The following TFAP2E variants were observed in gnomAD, a reference collection of about 807,000 sequenced individuals.
The protein encoded by TFAP2E is transcription factor AP-2 epsilon.
A neutral mutation model predicts 37.9 loss-of-function variants in TFAP2E; 30 were observed. The ratio of observed to expected loss-of-function variants is 0.79; its 90% CI spans 0.59 to 1.07. The LOEUF is 1.07. Ranked by LOEUF, TFAP2E falls within the 50% of genes least tolerant of loss-of-function variation. The pLI is 0.00. For synonymous variants in TFAP2E, 318 were observed against 295.8 expected (o/e 1.08, Z -0.77); for missense variants, 567 against 637.9 (o/e 0.89, Z 1.20).
chr1:35,575,030 G>T, intron 3 of TFAP2E, 30 bp downstream of exon 3: 1 of 1,613,520 alleles, frequency 6.2e-7, no homozygotes, highest in South Asian at 1.1e-5. Flanking sequence ...GGCAGAGCCC[G>T]GCGAGATGGT....
At position 35,590,936 on chromosome 1, in the gene TFAP2E, A is replaced by T. The variant is rs1474581277; in HGVS notation, c.1046+161A>T. Among the ~76,000 whole-genome samples the T allele has an allele frequency of 1.3e-5, 2 of 151,252 alleles. No homozygotes were observed. Among genetic ancestry groups the T allele is most frequent in the African/African-American group, 4.9e-5 (2 of 41,032 alleles). ...AGTGGGCACACACACATACGTGCGCACCACTGTGTACATCAGCAGTGAGCA... is the reference window on the plus strand; with the variant it reads ...AGTGGGCACACACACATACGTGCGCTCCACTGTGTACATCAGCAGTGAGCA... On this transcript the variant is annotated intron_variant, in intron 6 of 6. Transcript: ENST00000373235. The surrounding 1 kb of genome is among the most constrained non-coding windows in gnomAD (Gnocchi z 6.2).
At chr1:35,593,451 G>T (rs1188942251) in intron 6 of TFAP2E, among the ~76,000 whole-genome samples, 1 of 152,206 alleles carries the variant, frequency 6.6e-6, no homozygotes, top group Non-Finnish European at 1.5e-5. Context: ...ACATCCTTGG[G>T]TTTGTTTCCG....
At chr1:35,592,583 A>C (rs1368747536) in intron 6 of TFAP2E, among the ~76,000 whole-genome samples, 1 of 151,900 alleles carries the variant, frequency 6.6e-6, no homozygotes, top group Non-Finnish European at 1.5e-5. Flanking sequence ...TTTTTAGTAA[A>C]GGTTTCACCA....
intron 3 of TFAP2E, among the ~76,000 whole-genome samples, chr1:35,579,164 G>A (rs1649272768): frequency 6.7e-6 from 1 of 149,680 alleles, no homozygotes; most frequent in Non-Finnish European, 1.5e-5. Flanking sequence ...GGGAGGCCGA[G>A]GCGGGTGGAT....
chr1:35,575,724 G>A (rs1649150290), intron 3 of TFAP2E, among the ~76,000 whole-genome samples: 1 of 152,276 alleles, frequency 6.6e-6, no homozygotes, highest in South Asian at 2.1e-4. Flanking sequence ...CTGCATTTGG[G>A]GGATGTACAC....
Position 35,577,774 on chromosome 1 carries a change from G to A in TFAP2E, c.562+2774G>A, listed in dbSNP as rs1037100992. The A allele has an allele frequency of 1.7e-5, 4 of 237,460 alleles. No homozygotes were observed. The East Asian group carries it at 4.6e-4, about 27-fold the overall frequency. 14.7% of individuals were successfully genotyped at this position (237,460 alleles called of 1,614,324 possible). On this transcript the variant is annotated intron_variant, in intron 3 of 6. Transcript: ENST00000373235. The surrounding 1 kb of genome is among the most constrained non-coding windows in gnomAD (Gnocchi z 6.3). ...TTCGCTGACTGCAGGCAAGCGTCCG[G>A]GAGGGGCGGCCAGGCGAAGCCCCGG...
chr1:35,594,756 C>A lies in TFAP2E; in HGVS notation c.*80C>A. ...GCTCTTGGGGGTGGGCCTGGAAGGACTGAAAGGTGGGATTAGAGTCAGGCC... is the reference window on the plus strand; with the variant it reads ...GCTCTTGGGGGTGGGCCTGGAAGGAATGAAAGGTGGGATTAGAGTCAGGCC... On this transcript the variant is annotated 3_prime_UTR_variant, in exon 7 of 7. Transcript: ENST00000373235. 1 of 1,583,352 alleles carries A rather than the reference C, an allele frequency of 6.3e-7. No homozygotes were observed. The highest frequency in any genetic ancestry group is 1.1e-5 in the South Asian group (1 of 88,816).
Position 35,594,855 on chromosome 1 carries a change from G to A in TFAP2E, c.*179G>A. On this transcript the variant is annotated 3_prime_UTR_variant, in exon 7 of 7. Transcript: ENST00000373235. ...GAGTAAGGGAGGGTGGCCTCTCTGT[G>A]GTGGTGTGTTGGTAAGTTAAGGGCC... The A allele has an allele frequency of 5.7e-6, 5 of 878,608 alleles. No individual in the cohort carries two copies. The highest frequency in any genetic ancestry group is 8.5e-6 in the Non-Finnish European group (5 of 585,832). The allele number at this position is 878,608 out of a possible 1,614,324, so 54.4% of individuals were successfully genotyped here. A position where few individuals can be genotyped will look rare whatever the true frequency, so the allele number is the denominator to read the frequency against.
intron 3 of TFAP2E, among the ~76,000 whole-genome samples, chr1:35,575,878 G>T (rs1292483429): frequency 2.0e-5 from 3 of 152,202 alleles, no homozygotes; most frequent in Admixed American, 6.5e-5. Context: ...CAGGGACACG[G>T]GATCCACCTT....
intron 3 of TFAP2E, among the ~76,000 whole-genome samples, chr1:35,582,726 C>T (rs745481172): frequency 1.4e-4 from 21 of 151,728 alleles, no homozygotes; most frequent in Non-Finnish European, 2.1e-4. Flanking sequence ...CAGGCAAGAT[C>T]ATAGCACACT....
Position 35,573,766 on chromosome 1 carries a change from G to T in TFAP2E, c.28-161G>T. 1 of 1,378,232 alleles carries T rather than the reference G, an allele frequency of 7.3e-7. No homozygotes were observed. The highest frequency in any genetic ancestry group is 9.5e-7 in the Non-Finnish European group (1 of 1,054,974). The allele number at this position is 1,378,232 out of a possible 1,614,324, so 85.4% of individuals were successfully genotyped here. A position where few individuals can be genotyped will look rare whatever the true frequency, so the allele number is the denominator to read the frequency against. On this transcript the variant is annotated intron_variant, in intron 1 of 6. Coordinates refer to ENST00000373235, the MANE Select transcript of TFAP2E (RefSeq NM_178548.4). The surrounding 1 kb of genome is among the most constrained non-coding windows in gnomAD (Gnocchi z 5.9). ...GATGCGCAAGTGACCGCTGTCCCCA[G>T]CCTGAGGCTCCTGCGCCCGCGGGTG... is the stretch of plus-strand genomic sequence containing the variant.
At chr1:35,583,292 CTGTTGT>C (rs550749663) in intron 3 of TFAP2E, among the ~76,000 whole-genome samples, 5 of 151,922 alleles carry the variant, frequency 3.3e-5, no homozygotes, top group Non-Finnish European at 5.9e-5. Context: ...CCTAAGTTTT[CTGTTGT>C]TGTTGTTGTT....
chr1:35,578,783 CA>C (rs1041905674), intron 3 of TFAP2E, among the ~76,000 whole-genome samples: 1 of 151,798 alleles, frequency 6.6e-6, no homozygotes. Context: ...GAGAGGGTGC[CA>C]AAAAACTCAG....
chr1:35,584,141 G>T (rs112094310), intron 3 of TFAP2E, among the ~76,000 whole-genome samples: 8 of 151,968 alleles, frequency 5.3e-5, no homozygotes, highest in Non-Finnish European at 1.2e-4. Context: ...TCGCTCTGTC[G>T]TCCAGGCTGG....
In TFAP2E at chr1:35,574,166, C is replaced by G. The variant is rs1339987248; in HGVS notation, c.267C>G (p.Pro89=). 1 of 1,419,410 alleles carries G rather than the reference C, an allele frequency of 7.0e-7. No homozygotes were observed. The highest frequency in any genetic ancestry group is 2.6e-5 in the Admixed American group (1 of 38,778). The allele number at this position is 1,419,410 out of a possible 1,614,324, so 87.9% of individuals were successfully genotyped here. The change falls in exon 2 of 7, where the codon CCC becomes CCG. Residue 89 remains proline (P), a synonymous_variant. Coordinates refer to ENST00000373235, the MANE Select transcript of TFAP2E (RefSeq NM_178548.4). ...GGGACCCATATGGCGGCCTGGCGCC[C>G]CTGGCGCAGCCGCAGCCTCCTCAGG... ...LAGDPYGGLA[P]LAQPQPPQAA... is the part of the protein sequence containing the mutation.
At position 35,577,499 on chromosome 1, in the gene TFAP2E, T is replaced by A. The variant is rs776350766; in HGVS notation, c.562+2499T>A. 6.6e-6 allele frequency: 3 copies of A among 454,804 alleles called. No homozygotes were observed. Among genetic ancestry groups the A allele is most frequent in the South Asian group, 1.6e-5 (1 of 64,506 alleles). The allele number at this position is 454,804 out of a possible 1,614,324, so 28.2% of individuals were successfully genotyped here. On this transcript the variant is annotated intron_variant, in intron 3 of 6. Transcript: ENST00000373235. This position sits in a 1 kb window ranked among gnomAD's most constrained non-coding sequence, Gnocchi z 6.3. The stretch of plus-strand genomic sequence containing the variant: ...AGCCTGCCCCGCCAGGGCCCTGGAA[T>A]CAGAGAAAGTCGCTCTTTGGCCACC...
At chr1:35,582,602 C>G (rs1046332031) in intron 3 of TFAP2E, among the ~76,000 whole-genome samples, 1 of 150,184 alleles carries the variant, frequency 6.7e-6, no homozygotes, top group African/African-American at 2.5e-5. Flanking sequence ...CTTGGCCTCC[C>G]TAAGTGCTAG....
Position 35,573,797 on chromosome 1 carries a change from G to A in TFAP2E, c.28-130G>A. Reference sequence around the variant, plus strand: ...GGCTCCTGCGCCCGCGGGTGGCTCGGAAATAAACCTCGGGCCCCAAGAAAC... The same window carrying A: ...GGCTCCTGCGCCCGCGGGTGGCTCGAAAATAAACCTCGGGCCCCAAGAAAC... On this transcript the variant is annotated intron_variant, in intron 1 of 6. Transcript: ENST00000373235. The surrounding 1 kb of genome is among the most constrained non-coding windows in gnomAD (Gnocchi z 5.9). 7.3e-7 allele frequency: 1 copy of A among 1,377,302 alleles called. No homozygotes were observed. The highest frequency in any genetic ancestry group is 9.4e-7 in the Non-Finnish European group (1 of 1,059,158). 85.3% of individuals were successfully genotyped at this position (1,377,302 alleles called of 1,614,324 possible). A position where few individuals can be genotyped will look rare whatever the true frequency, so the allele number is the denominator to read the frequency against.
In TFAP2E at chr1:35,588,292, C is replaced by A. The variant is rs116009604; in HGVS notation, c.563-38C>A. The A allele has an allele frequency of 2.1e-3, 3,259 of 1,566,028 alleles. 55 individuals are homozygous for A. The African/African-American group carries it at 0.039, about 19-fold the overall frequency. On this transcript the variant is annotated intron_variant, in intron 3 of 6. Coordinates refer to ENST00000373235, the MANE Select transcript of TFAP2E (RefSeq NM_178548.4). The surrounding 1 kb of genome is among the most constrained non-coding windows in gnomAD (Gnocchi z 5.1). ...ACCCTCCCTTGAGTGGGGCTGTGTG[C>A]GGCAGCCACTGGCTCAGCGTTTCCC...
Sources: gnomAD v4.1 joint callset for allele counts (sites outside exome capture counted in the v4.1 genomes callset) on GRCh38, gnomAD v4.1.1 for gene constraint, Gnocchi (gnomAD v3.1) non-coding constraint, MANE v1.5 for transcripts, NCBI Gene and HGNC (gene_info 2026-07-23, HGNC 2026-07-21) for gene names.